TJP1: variants seen among roughly 807,000 people sequenced by gnomAD.
TJP1 encodes the protein tight junction protein 1.
A neutral mutation model predicts 194.2 loss-of-function variants in TJP1; 43 were observed. That is an observed-to-expected ratio of 0.22 (90% confidence interval 0.17 to 0.29). TJP1 has a LOEUF of 0.29. TJP1 is among the 10% of genes least tolerant of loss of function. TJP1 has a pLI of 1.00. For synonymous variants in TJP1, 801 were observed against 779.0 expected (o/e 1.03, Z -0.47); for missense variants, 1,971 against 2,185.7 (o/e 0.90, Z 1.96).
Position 29,743,881 on chromosome 15 carries a change from A to G in TJP1, c.1011-1100T>C, listed in dbSNP as rs747096. On this transcript the variant is annotated intron_variant, in intron 8 of 27. Transcript: ENST00000614355. Reference sequence around the variant, plus strand: ...CTAGGAACTAGGGAAATACAAATTAATTAGAAACTGTATTATCGGCCGGGC... The same window carrying G: ...CTAGGAACTAGGGAAATACAAATTAGTTAGAAACTGTATTATCGGCCGGGC... Among the ~76,000 whole-genome samples, 1,373 of 152,342 alleles carry G rather than the reference A, an allele frequency of 9.0e-3. 27 individuals are homozygous for G. The highest frequency in any genetic ancestry group is 0.031 in the African/African-American group (1,278 of 41,586).
Position 29,726,125 on chromosome 15 carries a change from T to C in TJP1, c.2412+254A>G, listed in dbSNP as rs192622474. 1.4e-3 allele frequency among the ~76,000 whole-genome samples: 216 copies of C among 152,302 alleles called. 1 individual carries two copies. The highest frequency in any genetic ancestry group is 2.2e-3 in the Non-Finnish European group (152 of 68,022). On this transcript the variant is annotated intron_variant, in intron 18 of 27. Transcript: ENST00000614355. ...GCATCAGAACTCAACCTGCTCTTCA[T>C]TATAATTTAAGATTCTTTAGGAGAC... is the stretch of plus-strand genomic sequence containing the variant.
intron 2 of TJP1, among the ~76,000 whole-genome samples, chr15:29,796,963 T>C (rs530443575): frequency 5.6e-5 from 2 of 36,026 alleles, no homozygotes; most frequent in Non-Finnish European, 1.9e-4. Flanking sequence ...GACATCTGTA[T>C]GAAAAAAAAA....
intron 2 of TJP1, among the ~76,000 whole-genome samples, chr15:29,832,202 G>A (rs558618784): frequency 5.9e-4 from 90 of 152,204 alleles, no homozygotes; most frequent in Non-Finnish European, 1.1e-3. Flanking sequence ...AAAAGCACTA[G>A]GGCATTGGGG....
intron 2 of TJP1, among the ~76,000 whole-genome samples, chr15:29,853,413 G>A (rs1183438449): frequency 6.6e-6 from 1 of 152,136 alleles, no homozygotes; most frequent in African/African-American, 2.4e-5. Flanking sequence ...TAAAACTGGG[G>A]ACATCTGAAT....
chr15:29,720,595 G>C lies in TJP1; in HGVS notation c.2526C>G (p.Asp842Glu). 6.2e-7 allele frequency: 1 copy of C among 1,614,116 alleles called. No individual in the cohort carries two copies. ...MYSTDSRHTS[D>E]YEDTDTEGGA... ...CGCCTTCTGTGTCTGTGTCTTCATAGTCAGAAGTGTGTCTACTGTCCGTGC... is the reference window on the plus strand; with the variant it reads ...CGCCTTCTGTGTCTGTGTCTTCATACTCAGAAGTGTGTCTACTGTCCGTGC... Residue 842 changes from aspartate (D) to glutamate (E), a missense_variant, in exon 19 of 28, where the codon GAC (aspartate) becomes GAG (glutamate). Physicochemically the swap from Asp to Glu is conservative, Grantham distance 45. Around this residue, in one of 5 missense-constraint regions of TJP1, gnomAD observed 402 missense variants for 484.2 expected, o/e 0.83. Transcript: ENST00000614355.
intron 18 of TJP1, among the ~76,000 whole-genome samples, chr15:29,721,965 T>G (rs1487923330): frequency 1.3e-5 from 2 of 152,242 alleles, no homozygotes. Flanking sequence ...TAGCAAAGCA[T>G]TCAAGATGCG....
intron 2 of TJP1, among the ~76,000 whole-genome samples, chr15:29,860,728 GGCAT>G (rs1455008994): frequency 6.6e-6 from 1 of 152,104 alleles, no homozygotes; most frequent in Non-Finnish European, 1.5e-5. Context: ...AGGAAATGCA[GGCAT>G]ACCTCATTTT....
chr15:29,795,215 G>A (rs954252266), intron 2 of TJP1, among the ~76,000 whole-genome samples: 1 of 152,068 alleles, frequency 6.6e-6, no homozygotes, highest in African/African-American at 2.4e-5. Context: ...CCTGAGGTCA[G>A]GAGTTCAAGA....
intron 2 of TJP1, among the ~76,000 whole-genome samples, chr15:29,855,412 T>C (rs552127126): frequency 3.9e-4 from 60 of 152,170 alleles, no homozygotes; most frequent in Middle Eastern, 3.4e-3. Context: ...ACACAAACAA[T>C]AGATAAATGT....
At chr15:29,787,280 C>A (rs1420467584) in intron 2 of TJP1, among the ~76,000 whole-genome samples, 2 of 152,132 alleles carry the variant, frequency 1.3e-5, no homozygotes, top group Middle Eastern at 3.4e-3. Flanking sequence ...TACCTCACAA[C>A]ATCTACAAAA....
chr15:29,942,717 G>A (rs1212856079), intron 2 of TJP1, among the ~76,000 whole-genome samples: 1 of 152,208 alleles, frequency 6.6e-6, no homozygotes, highest in African/African-American at 2.4e-5. Context: ...GGCTGGCAGT[G>A]GGCCACAGCA....
At chr15:29,800,584 T>G (rs367855724) in intron 2 of TJP1, 62 bp downstream of exon 2, 3 of 1,551,964 alleles carry the variant, frequency 1.9e-6, no homozygotes, top group Non-Finnish European at 2.7e-6. Context: ...TTTCCTCTAT[T>G]GTTTTCAAAG....
intron 2 of TJP1, among the ~76,000 whole-genome samples, chr15:29,906,702 C>T (rs1308572212): frequency 6.6e-6 from 1 of 151,632 alleles, no homozygotes; most frequent in Non-Finnish European, 1.5e-5. Context: ...GCCTCAGCCT[C>T]CCAAGTAGCT....
At chr15:29,792,727 T>C (rs1439827181) in intron 2 of TJP1, among the ~76,000 whole-genome samples, 2 of 152,230 alleles carry the variant, frequency 1.3e-5, no homozygotes, top group Non-Finnish European at 2.9e-5. Context: ...ATTCCAACAA[T>C]ACTGAATCCA....
chr15:29,875,858 C>T (rs1461682895), intron 2 of TJP1, among the ~76,000 whole-genome samples: 2 of 152,202 alleles, frequency 1.3e-5, no homozygotes, highest in East Asian at 3.9e-4. Flanking sequence ...GCCACTGTGC[C>T]TGGCCAGTTC....
intron 1 of TJP1, among the ~76,000 whole-genome samples, chr15:29,820,191 G>A (rs899776090): frequency 2.0e-5 from 3 of 150,500 alleles, no homozygotes; most frequent in Admixed American, 6.6e-5. Context: ...ACTGAAAGGA[G>A]GGTGGGGAAA....
chr15:29,946,568 A>G (rs1290324234), intron 2 of TJP1, among the ~76,000 whole-genome samples: 1 of 152,248 alleles, frequency 6.6e-6, no homozygotes, highest in Non-Finnish European at 1.5e-5. Context: ...CATGGCCTGA[A>G]TCTGCTCATG....
intron 2 of TJP1, among the ~76,000 whole-genome samples, chr15:29,880,976 A>T (rs2052906770): frequency 6.6e-6 from 1 of 152,172 alleles, no homozygotes; most frequent in South Asian, 2.1e-4. Flanking sequence ...AGATTGCTAG[A>T]TCGTGTAATT....
chr15:29,918,315 C>A (rs952329909), intron 2 of TJP1, among the ~76,000 whole-genome samples: 3 of 152,154 alleles, frequency 2.0e-5, no homozygotes, highest in Non-Finnish European at 4.4e-5. Flanking sequence ...ATCTTTATAT[C>A]CCTGCTTTCT....
Sources: allele counts gnomAD v4.1 joint callset (sites outside exome capture counted in the v4.1 genomes callset), GRCh38; gene constraint gnomAD v4.1.1; regional missense constraint gnomAD v4.1.1; transcripts MANE v1.5; gene names NCBI Gene and HGNC (gene_info 2026-07-23, HGNC 2026-07-21).